CRPPA: variants seen among roughly 807,000 people sequenced by gnomAD.
The protein encoded by CRPPA is CDP-L-ribitol pyrophosphorylase A, also known as D-ribitol-5-phosphate cytidylyltransferase.
CRPPA carries 43 observed loss-of-function variants against 52.0 expected under a neutral mutation model. That is an observed-to-expected ratio of 0.83 (90% CI 0.65 to 1.07). The LOEUF is 1.07. CRPPA is among the 50% of genes least tolerant of loss of function. The probability of loss-of-function intolerance (pLI) is 0.00; values close to 1 mark genes in which losing one functional copy is unlikely to be tolerated. For synonymous variants in CRPPA, 250 were observed against 203.5 expected, an observed-to-expected ratio of 1.23 and a Z score of -1.94; for missense variants, 629 against 551.7, an observed-to-expected ratio of 1.14 and a Z score of -1.40.
intron 9 of CRPPA, among the ~76,000 whole-genome samples, chr7:16,188,695 C>T (rs1781551988): frequency 6.6e-6 from 1 of 152,040 alleles, no homozygotes; most frequent in Non-Finnish European, 1.5e-5. Flanking sequence ...CACAGTAGGC[C>T]CTCAGTAAAT....
intron 8 of CRPPA, among the ~76,000 whole-genome samples, chr7:16,222,243 A>G (rs1782530193): frequency 6.9e-6 from 1 of 144,472 alleles, no homozygotes; most frequent in African/African-American, 2.6e-5. Flanking sequence ...GAATTGAACA[A>G]TGAGATCACA....
chr7:16,356,950 G>A (rs1413058064), intron 3 of CRPPA, among the ~76,000 whole-genome samples: 2 of 152,070 alleles, frequency 1.3e-5, no homozygotes, highest in Non-Finnish European at 2.9e-5. Flanking sequence ...GTGGTTCTCT[G>A]GGATATCAAT....
intron 9 of CRPPA, among the ~76,000 whole-genome samples, chr7:16,095,175 G>A (rs1193535748): frequency 1.3e-5 from 2 of 152,120 alleles, no homozygotes; most frequent in African/African-American, 4.8e-5. Context: ...ATTTACAAAT[G>A]TTATGTTCCG....
chr7:16,382,398 A>G (rs554027493), intron 2 of CRPPA, among the ~76,000 whole-genome samples: 319 of 152,304 alleles, frequency 2.1e-3, no homozygotes, highest in Non-Finnish European at 3.8e-3. Flanking sequence ...CGGGTAACCC[A>G]ACCTTTCTCT....
intron 9 of CRPPA, among the ~76,000 whole-genome samples, chr7:16,133,528 C>A (rs1386340453): frequency 1.6e-5 from 2 of 124,372 alleles, no homozygotes; most frequent in Non-Finnish European, 3.7e-5. Flanking sequence ...TTGCAAGTAT[C>A]TGCTTAAAAT....
chr7:16,178,219 G>C (rs1781344250), intron 9 of CRPPA, among the ~76,000 whole-genome samples: 1 of 152,026 alleles, frequency 6.6e-6, no homozygotes, highest in African/African-American at 2.4e-5. Context: ...CCCTAGCTCA[G>C]TCAGATGTAT....
chr7:16,227,845 T>C (rs78208058), intron 8 of CRPPA, among the ~76,000 whole-genome samples: 2,699 of 151,986 alleles, frequency 0.018, 72 homozygotes, highest in African/African-American at 0.062. Flanking sequence ...GATTTTCTCC[T>C]ATGTATCTTC....
chr7:16,094,185 T>C (rs1477619200), intron 9 of CRPPA, among the ~76,000 whole-genome samples: 2 of 152,194 alleles, frequency 1.3e-5, no homozygotes, highest in Non-Finnish European at 2.9e-5. Flanking sequence ...ACAGGCTTCA[T>C]TTTCAAAGAT....
At position 16,180,695 on chromosome 7, in the gene CRPPA, G is replaced by T. The variant is rs199931602; in HGVS notation, c.1251+35371C>A. The stretch of plus-strand genomic sequence containing the variant: ...GCCAATTCTCCAATTGTTACAGTCA[G>T]CTTTTTGTCAAGAAAAACAGAAAGC... On this transcript the variant is annotated intron_variant, in intron 9 of 9. Transcript: ENST00000407010. 2.6e-5 allele frequency among the ~76,000 whole-genome samples: 4 copies of T among 152,070 alleles called. No individual in the cohort carries two copies. In the East Asian group the frequency reaches 7.7e-4, roughly 29 times the overall value.
chr7:16,321,566 A>G (rs1307943488), intron 3 of CRPPA, among the ~76,000 whole-genome samples: 1 of 152,172 alleles, frequency 6.6e-6, no homozygotes, highest in Non-Finnish European at 1.5e-5. Flanking sequence ...ACAGGTTATG[A>G]GAATCTGAAA....
At chr7:16,417,095 C>T (rs1392497663) in intron 1 of CRPPA, among the ~76,000 whole-genome samples, 1 of 152,082 alleles carries the variant, frequency 6.6e-6, no homozygotes, top group Non-Finnish European at 1.5e-5. Context: ...CAATCAGATA[C>T]CATCTCACAC....
At chr7:16,148,948 T>C (rs979917251) in intron 9 of CRPPA, among the ~76,000 whole-genome samples, 4 of 152,158 alleles carry the variant, frequency 2.6e-5, no homozygotes, top group Non-Finnish European at 4.4e-5. Context: ...ACATTATGTA[T>C]TAACTAAATA....
chr7:16,222,915 T>C (rs1782560411), intron 8 of CRPPA, among the ~76,000 whole-genome samples: 1 of 152,200 alleles, frequency 6.6e-6, no homozygotes, highest in Non-Finnish European at 1.5e-5. Context: ...CTGACCATCA[T>C]CTTGAACGTT....
intron 9 of CRPPA, among the ~76,000 whole-genome samples, chr7:16,123,218 G>A: frequency 6.6e-6 from 1 of 152,146 alleles, no homozygotes; most frequent in Admixed American, 6.5e-5. Context: ...CCTAAGACAT[G>A]ACATTAAGCT....
At chr7:16,232,021 G>A (rs1346770300) in intron 8 of CRPPA, among the ~76,000 whole-genome samples, 1 of 152,134 alleles carries the variant, frequency 6.6e-6, no homozygotes, top group Non-Finnish European at 1.5e-5. Context: ...AGAGTCACAG[G>A]TAGAGTACCA....
At chr7:16,316,790 G>A (rs1438294538) in intron 3 of CRPPA, among the ~76,000 whole-genome samples, 5 of 152,076 alleles carry the variant, frequency 3.3e-5, no homozygotes, top group East Asian at 1.9e-4. Context: ...CCGGGAGTTC[G>A]AGGCTGCAGT....
chr7:16,224,058 G>C (rs1782588781), intron 8 of CRPPA, among the ~76,000 whole-genome samples: 1 of 152,040 alleles, frequency 6.6e-6, no homozygotes, highest in Non-Finnish European at 1.5e-5. Flanking sequence ...ATGAAAGGTA[G>C]CACATTTACT....
chr7:16,353,636 G>A (rs985939833), intron 3 of CRPPA, among the ~76,000 whole-genome samples: 5 of 152,116 alleles, frequency 3.3e-5, no homozygotes, highest in African/African-American at 9.7e-5. Context: ...GATCACCTGA[G>A]GTCAGGAGTT....
chr7:16,233,829 A>G (rs1330280054), intron 8 of CRPPA, among the ~76,000 whole-genome samples: 3 of 152,176 alleles, frequency 2.0e-5, no homozygotes, highest in African/African-American at 7.2e-5. Context: ...TTCTGTTGAC[A>G]TACTGTAATA....
Sources: allele counts gnomAD v4.1 joint callset (sites outside exome capture counted in the v4.1 genomes callset), GRCh38; gene constraint gnomAD v4.1.1; transcripts MANE v1.5; gene names NCBI Gene and HGNC (gene_info 2026-07-23, HGNC 2026-07-21).